Variants in PLOD1 observed in about 807,000 individuals in gnomAD.
PLOD1 encodes the protein lysine hydroxylase.
In PLOD1, 70 loss-of-function variants were observed where a neutral mutation model predicts 94.7. The observed-to-expected ratio is 0.74, with a 90% CI of 0.61 to 0.90. PLOD1 has a LOEUF of 0.90. PLOD1 is among the 40% of genes least tolerant of loss of function. PLOD1 has a pLI of 0.00. For synonymous variants in PLOD1, 417 were observed against 400.2 expected, an observed-to-expected ratio of 1.04 and a Z score of -0.50; for missense variants, 905 against 972.7, an observed-to-expected ratio of 0.93 and a Z score of 0.93.
rs148280048 is a variant in PLOD1 at position 11,942,093 on chromosome 1, G to A, written c.77-5883G>A. ...TGCCTCCTGGGTTCAAGCAATTCTC[G>A]TGCCTCAGCCTTCTGAGTAGCTGGG... is the stretch of plus-strand genomic sequence containing the variant. On this transcript the variant is annotated intron_variant, in intron 1 of 18. Transcript: ENST00000196061. Among the ~76,000 whole-genome samples, 9 of 150,852 alleles carry A rather than the reference G, an allele frequency of 6.0e-5. No homozygotes were observed. The East Asian group carries it at 1.2e-3, about 20-fold the overall frequency.
chr1:11,965,583 G>T lies in PLOD1; in HGVS notation c.1574G>T (p.Ser525Ile). The change falls in exon 14 of 19, where the codon AGC becomes ATC. Residue 525 changes from serine to isoleucine, a missense_variant. Physicochemically the swap from Ser to Ile is moderately radical, Grantham distance 142. Transcript: ENST00000196061. The part of the protein sequence containing the change: ...HLHNDLWEVF[S>I]NPEDWKEKYI... ...CACAACGACCTCTGGGAGGTGTTCA[G>T]CAACCCCGAGGTGAGGCCAGGGTGG... The T allele has an allele frequency of 6.2e-7, 1 of 1,608,998 alleles. No individual in the cohort carries two copies.
At chr1:11,966,901 C>T (rs1557497887) in intron 15 of PLOD1, 86 bp from the exon 16 acceptor site, 2 of 871,026 alleles carry the variant, frequency 2.3e-6, no homozygotes, top group Admixed American at 3.4e-5. Flanking sequence ...GGAGGGCTCC[C>T]TGGCTTGGGT....
chr1:11,952,843 A>T (rs777616217), intron 5 of PLOD1, 108 bp downstream of exon 5: 1 of 754,470 alleles, frequency 1.3e-6, no homozygotes, highest in Non-Finnish European at 2.3e-6. Context: ...GTCTTAGTCT[A>T]TGCAGGCTGC....
chr1:11,948,107 G>A (rs1441538863), intron 2 of PLOD1, 40 bp downstream of exon 2: 1 of 1,356,200 alleles, frequency 7.4e-7, no homozygotes, highest in African/African-American at 1.4e-5. Flanking sequence ...AGTGAGGGGT[G>A]GCAGGAGGAT....
chr1:11,965,412 T>TGCAGGGGAGGGGTGAGG, intron 13 of PLOD1, 68 bp from the exon 14 acceptor site: 4 of 892,470 alleles, frequency 4.5e-6, no homozygotes, highest in South Asian at 2.7e-5. Flanking sequence ...TCTGGGAGCG[T>TGCAGGGGAGGGGTGAGG]GCAGGGGAGG....
At chr1:11,936,663 C>T (rs1440200657) in intron 1 of PLOD1, among the ~76,000 whole-genome samples, 1 of 151,918 alleles carries the variant, frequency 6.6e-6, no homozygotes, top group South Asian at 2.1e-4. Context: ...GCTGGGATTA[C>T]AGGCCTGCAC....
In PLOD1 at chr1:11,949,932, T is replaced by G. The variant is rs779630298; in HGVS notation, c.302+26T>G. ...GTAGGTGGGTCAGGGCTTCCTAGCC[T>G]GGGCCCCTCCGCGGAAGATAGAAGA... On this transcript the variant is annotated intron_variant, in intron 3 of 18. Coordinates refer to ENST00000196061, the MANE Select transcript of PLOD1 (RefSeq NM_000302.4). The G allele has an allele frequency of 1.1e-5, 17 of 1,610,682 alleles. No homozygotes were observed. In the Admixed American group the frequency reaches 2.8e-4, roughly 27 times the overall value.
chr1:11,974,830 G>A lies in PLOD1; in HGVS notation c.*22G>A. 2 of 1,613,780 alleles carry A rather than the reference G, an allele frequency of 1.2e-6. No homozygotes were observed. Reference sequence around the variant, plus strand: ...CTAATTGGCCAGGCCTGACCCTCTTGGACCTTTCTTCTTTGCCGACAACCA... The same window carrying A: ...CTAATTGGCCAGGCCTGACCCTCTTAGACCTTTCTTCTTTGCCGACAACCA... On this transcript the variant is annotated 3_prime_UTR_variant, in exon 19 of 19. Transcript: ENST00000196061.
chr1:11,956,175 T>C (rs1245325867), intron 6 of PLOD1, among the ~76,000 whole-genome samples: 1 of 151,808 alleles, frequency 6.6e-6, no homozygotes, highest in Non-Finnish European at 1.5e-5. Flanking sequence ...CCAGAGGTCA[T>C]GAGTTCAAGA....
At chr1:11,941,176 C>T (rs780667004) in intron 1 of PLOD1, among the ~76,000 whole-genome samples, 6 of 152,194 alleles carry the variant, frequency 3.9e-5, no homozygotes, top group Non-Finnish European at 5.9e-5. Context: ...CCTCATACAG[C>T]ACACGGTATC....
chr1:11,957,302 G>T lies in PLOD1; in HGVS notation c.741+288G>T. 2 of 633,744 alleles carry T rather than the reference G, an allele frequency of 3.2e-6. No individual in the cohort carries two copies. The highest frequency in any genetic ancestry group is 6.0e-6 in the Non-Finnish European group (2 of 333,970). 39.3% of individuals were successfully genotyped at this position (633,744 alleles called of 1,614,324 possible). A position where few individuals can be genotyped will look rare whatever the true frequency, so the allele number is the denominator to read the frequency against. ...GAGCCATCTGCACTGTCACCCCAGG[G>T]CAGAGTCACTTATTCACTCAGTAAA... On this transcript the variant is annotated intron_variant, in intron 7 of 18. Transcript: ENST00000196061. This position sits in a 1 kb window ranked among gnomAD's most constrained non-coding sequence, Gnocchi z 4.1.
At chr1:11,943,792 C>T (rs1191511188) in intron 1 of PLOD1, among the ~76,000 whole-genome samples, 2 of 152,220 alleles carry the variant, frequency 1.3e-5, no homozygotes, top group Non-Finnish European at 2.9e-5. Context: ...GCAGTGCATG[C>T]ATTTAGGTTA....
At position 11,966,277 on chromosome 1, in the gene PLOD1, G is replaced by A. The variant is rs759983190; in HGVS notation, c.1611G>A (p.Gln537=). 1 of 1,608,020 alleles carries A rather than the reference G, an allele frequency of 6.2e-7. No individual in the cohort carries two copies. Among genetic ancestry groups the A allele is most frequent in the Non-Finnish European group, 8.5e-7 (1 of 1,177,228 alleles). ...PEDWKEKYIH[Q]NYTKALAGKL... ...ACTGGAAGGAGAAGTACATCCACCA[G>A]AACTACACCAAAGCCCTGGCAGGGA... The change falls in exon 15 of 19, where the codon CAG becomes CAA. Residue 537 remains glutamine (Q), a synonymous_variant. Transcript: ENST00000196061.
At chr1:11,944,514 C>T in intron 1 of PLOD1, 1 of 1,336,136 alleles carries the variant, frequency 7.5e-7, no homozygotes, top group South Asian at 1.2e-5. Context: ...TCTTCCTGTC[C>T]CCAGCAGCCC....
At chr1:11,938,961 T>A (rs1645597826) in intron 1 of PLOD1, among the ~76,000 whole-genome samples, 1 of 152,102 alleles carries the variant, frequency 6.6e-6, no homozygotes, top group Non-Finnish European at 1.5e-5. Flanking sequence ...CACAGGGAAC[T>A]GGGAGAATAA....
In PLOD1 at chr1:11,952,637, GC is replaced by G; in HGVS notation, c.486del (p.Asn163ThrfsTer64). 2 of 1,613,914 alleles carry G rather than the reference GC, an allele frequency of 1.2e-6. No individual in the cohort carries two copies. The highest frequency in any genetic ancestry group is 1.7e-6 in the Non-Finnish European group (2 of 1,179,812). Reference protein sequence around the residue: ...FLGSGGFIGYAPNLSKLVAEW... With the variant: ...FLGSGGFIGYXPNLSKLVAEW... ...CCAACCTTCAGGCTTCATCGGTTATGCCCCCAACCTCAGCAAACTGGTGGCC... is the reference window on the plus strand; with the variant it reads ...CCAACCTTCAGGCTTCATCGGTTATGCCCCAACCTCAGCAAACTGGTGGCC... On this transcript the variant is annotated frameshift_variant, in exon 5 of 19. Transcript: ENST00000196061. LOFTEE classifies it high-confidence loss of function.
Position 11,965,046 on chromosome 1 carries a change from A to C in PLOD1, c.1470+261A>C, listed in dbSNP as rs114468951. Among the ~76,000 whole-genome samples, 3,701 of 152,118 alleles carry C rather than the reference A, an allele frequency of 0.024. 136 individuals are homozygous for C. Among genetic ancestry groups the C allele is most frequent in the African/African-American group, 0.075 (3,094 of 41,488 alleles). On this transcript the variant is annotated intron_variant, in intron 13 of 18. Transcript: ENST00000196061. ...CCATCTATTTTATTTACATTTTTGG[A>C]ATAGCCCAAAGAAAACGGAACTTTC...
At chr1:11,939,598 C>T (rs568506689) in intron 1 of PLOD1, among the ~76,000 whole-genome samples, 11 of 152,214 alleles carry the variant, frequency 7.2e-5, no homozygotes, top group African/African-American at 2.4e-4. Context: ...CCGTCAGTCT[C>T]TCCACATCAT....
chr1:11,964,813 G>A lies in PLOD1; in HGVS notation c.1470+28G>A, dbSNP rs372512875. On this transcript the variant is annotated intron_variant, in intron 13 of 18. Coordinates refer to ENST00000196061, the MANE Select transcript of PLOD1 (RefSeq NM_000302.4). ...CAGCCAGGAGCGGGCAGCACAGGAC[G>A]CCCTCTGGATGGGGCAGGCGGGAAG... 6.2e-6 allele frequency: 10 copies of A among 1,612,290 alleles called. No individual in the cohort carries two copies. The East Asian group carries it at 1.6e-4, about 25-fold the overall frequency.
Sources: allele counts gnomAD v4.1 joint callset (sites outside exome capture counted in the v4.1 genomes callset), GRCh38; gene constraint gnomAD v4.1.1; non-coding constraint Gnocchi (gnomAD v3.1); transcripts MANE v1.5; gene names NCBI Gene and HGNC (gene_info 2026-07-23, HGNC 2026-07-21).